Variants in AUTS2 observed in about 807,000 individuals in gnomAD.
AUTS2 encodes activator of transcription and developmental regulator AUTS2, also known as autism susceptibility gene 2 protein.
A neutral mutation model predicts 112.4 loss-of-function variants in AUTS2; 17 were observed. That is an observed-to-expected ratio of 0.15 (90% confidence interval 0.10 to 0.23). The LOEUF (loss-of-function observed/expected upper bound fraction) is 0.23, where lower values mean the gene tolerates loss of function less well. AUTS2 is among the 10% of genes least tolerant of loss of function. The pLI, the probability that AUTS2 is intolerant of heterozygous loss-of-function variation, is 1.00. For synonymous variants in AUTS2, 751 were observed against 702.7 expected (o/e 1.07, Z -1.09); for missense variants, 1,510 against 1,701.6 (o/e 0.89, Z 1.98).
intron 3 of AUTS2, among the ~76,000 whole-genome samples, chr7:70,130,016 T>G (rs1400889169): frequency 2.0e-5 from 3 of 152,110 alleles, no homozygotes; most frequent in Non-Finnish European, 4.4e-5. Flanking sequence ...GGAAGATCTG[T>G]GAATGAGCTT....
intron 2 of AUTS2, among the ~76,000 whole-genome samples, chr7:70,107,335 CTTTTTT>C (rs35066322): frequency 1.0e-5 from 1 of 96,934 alleles, no homozygotes; most frequent in Non-Finnish European, 2.0e-5. Flanking sequence ...AGATGAGAAG[CTTTTTT>C]TTTTTTTTTT....
chr7:70,112,119 T>C (rs1207560792), intron 2 of AUTS2, among the ~76,000 whole-genome samples: 1 of 151,902 alleles, frequency 6.6e-6, no homozygotes, highest in East Asian at 1.9e-4. Flanking sequence ...ATTAAGTCCA[T>C]GAGTTAACTT....
rs1790521942 is a variant in AUTS2 at position 70,773,905 on chromosome 7, GC to G, written c.1831-122del. On this transcript the variant is annotated intron_variant, in intron 11 of 18. Transcript: ENST00000342771. ...GTGGTCCCTGAGAAAAATGAATCTTGCGTTTCAGAAGGAAACAAACAAATGA... is the reference window on the plus strand; with the variant it reads ...GTGGTCCCTGAGAAAAATGAATCTTGGTTTCAGAAGGAAACAAACAAATGA... 9 of 879,020 alleles carry G rather than the reference GC, an allele frequency of 1.0e-5. No homozygotes were observed. The Admixed American group carries it at 1.9e-4, about 18-fold the overall frequency. The allele number at this position is 879,020 out of a possible 1,614,324, so 54.5% of individuals were successfully genotyped here.
At chr7:70,253,159 C>T (rs1245198671) in intron 4 of AUTS2, among the ~76,000 whole-genome samples, 1 of 152,052 alleles carries the variant, frequency 6.6e-6, no homozygotes, top group East Asian at 1.9e-4. Context: ...CTCCTGTAAC[C>T]TAGTGATGTG....
intron 15 of AUTS2, chr7:70,784,664 T>G: frequency 2.1e-6 from 1 of 468,362 alleles, no homozygotes; most frequent in Non-Finnish European, 3.8e-6. Flanking sequence ...GTCATCGGCT[T>G]AAAAAAGAAA....
At chr7:69,664,067 A>G (rs547899313) in intron 1 of AUTS2, among the ~76,000 whole-genome samples, 4 of 152,206 alleles carry the variant, frequency 2.6e-5, no homozygotes, top group Admixed American at 6.5e-5. Context: ...CTCACACTGC[A>G]GTTGTGGTTC....
intron 2 of AUTS2, among the ~76,000 whole-genome samples, chr7:70,082,020 CTG>C (rs957593217): frequency 3.4e-5 from 5 of 148,794 alleles, no homozygotes; most frequent in African/African-American, 1.2e-4. Context: ...GTGTGTGTGC[CTG>C]TGTGTGTGTT....
chr7:69,718,998 C>T (rs751374967), intron 1 of AUTS2, among the ~76,000 whole-genome samples: 2 of 152,188 alleles, frequency 1.3e-5, no homozygotes, highest in Non-Finnish European at 2.9e-5. Flanking sequence ...TTAGCCAGCC[C>T]GCCCGCAGGG....
At chr7:70,594,885 T>TGA (rs1418254878) in intron 5 of AUTS2, among the ~76,000 whole-genome samples, 1 of 152,174 alleles carries the variant, frequency 6.6e-6, no homozygotes, top group Non-Finnish European at 1.5e-5. Flanking sequence ...GTGGATCACC[T>TGA]GAGGTCAGGA....
intron 4 of AUTS2, among the ~76,000 whole-genome samples, chr7:70,155,913 C>T (rs1807723089): frequency 1.3e-5 from 2 of 152,192 alleles, no homozygotes; most frequent in South Asian, 4.1e-4. Flanking sequence ...CACTATCTGG[C>T]AGGCAGGAAG....
At chr7:70,683,399 G>C (rs1300227514) in intron 5 of AUTS2, among the ~76,000 whole-genome samples, 1 of 152,162 alleles carries the variant, frequency 6.6e-6, no homozygotes, top group Non-Finnish European at 1.5e-5. Context: ...TGAGAATACT[G>C]TACTAGATGT....
intron 4 of AUTS2, chr7:70,293,820 C>T (rs57370717): frequency 0.086 from 13,032 of 152,226 alleles, 755 homozygotes; most frequent in African/African-American, 0.16. Flanking sequence ...TTGCTGCCTA[C>T]ATAATATTCC....
chr7:70,532,258 G>A (rs1800128416), intron 5 of AUTS2, among the ~76,000 whole-genome samples: 1 of 152,150 alleles, frequency 6.6e-6, no homozygotes, highest in African/African-American at 2.4e-5. Context: ...GTTAACGTGG[G>A]AAGTGACCCC....
At chr7:70,009,783 T>G (rs909147190) in intron 2 of AUTS2, among the ~76,000 whole-genome samples, 1 of 152,224 alleles carries the variant, frequency 6.6e-6, no homozygotes, top group Non-Finnish European at 1.5e-5. Flanking sequence ...GCTAAAATAC[T>G]TGCCCAAGGT....
At chr7:69,816,408 T>C (rs1790764640) in intron 1 of AUTS2, among the ~76,000 whole-genome samples, 3 of 152,182 alleles carry the variant, frequency 2.0e-5, no homozygotes. Flanking sequence ...AGGACGGAGC[T>C]GAAACACATG....
chr7:70,698,609 T>C lies in AUTS2; in HGVS notation c.731T>C (p.Ile244Thr). Reference sequence around the variant, plus strand: ...TCTGAAAAACTCTTCAACACTGTTATTGTAAACAAAGGTAAGACCCATTCA... The same window carrying C: ...TCTGAAAAACTCTTCAACACTGTTACTGTAAACAAAGGTAAGACCCATTCA... ...ASSEKLFNTV[I>T]VNKDPELGVG... The change falls in exon 6 of 19, where the codon ATT becomes ACT. Residue 244 changes from isoleucine to threonine, a missense_variant. Physicochemically the swap from Ile to Thr is moderately conservative, Grantham distance 89 (BLOSUM62 -1). Coordinates refer to ENST00000342771, the MANE Select transcript of AUTS2 (RefSeq NM_015570.4). 1.2e-6 allele frequency: 2 copies of C among 1,607,356 alleles called. No individual in the cohort carries two copies. Among genetic ancestry groups the C allele is most frequent in the Middle Eastern group, 1.7e-4 (1 of 6,058 alleles).
chr7:70,699,736 G>A (rs923024900), intron 6 of AUTS2, among the ~76,000 whole-genome samples: 5 of 151,986 alleles, frequency 3.3e-5, no homozygotes, highest in Non-Finnish European at 7.4e-5. Context: ...CATATTTTCT[G>A]ATGGACTGAA....
intron 5 of AUTS2, among the ~76,000 whole-genome samples, chr7:70,668,877 C>A (rs781091428): frequency 6.6e-6 from 1 of 152,196 alleles, no homozygotes; most frequent in Non-Finnish European, 1.5e-5. Context: ...GTAAGGCACG[C>A]TTCCCTGGGG....
intron 6 of AUTS2, among the ~76,000 whole-genome samples, chr7:70,704,363 G>A (rs751122908): frequency 9.2e-5 from 14 of 152,160 alleles, no homozygotes; most frequent in Admixed American, 2.6e-4. Context: ...TGGAGGAGGC[G>A]TAGATTACAG....
Sources: allele counts gnomAD v4.1 joint callset (sites outside exome capture counted in the v4.1 genomes callset), GRCh38; gene constraint gnomAD v4.1.1; transcripts MANE v1.5; gene names NCBI Gene and HGNC (gene_info 2026-07-23, HGNC 2026-07-21).